The following SYNE2 variants were observed in gnomAD, a reference collection of about 807,000 sequenced individuals.
SYNE2 encodes nesprin-2.
SYNE2 carries 431 observed loss-of-function variants against 856.3 expected under a neutral mutation model. That is an observed-to-expected ratio of 0.50 (90% CI 0.47 to 0.55). SYNE2 has a LOEUF of 0.55. SYNE2 is among the 20% of genes least tolerant of loss of function. The pLI, the probability that SYNE2 is intolerant of heterozygous loss-of-function variation, is 0.00. For synonymous variants in SYNE2, 2,923 were observed against 2,872.3 expected (o/e 1.02, Z -0.56); for missense variants, 8,129 against 8,023.2 (o/e 1.01, Z -0.50).
intron 8 of SYNE2, chr14:63,960,948 A>C: frequency 1.8e-6 from 1 of 540,948 alleles, no homozygotes; most frequent in Non-Finnish European, 3.3e-6. Flanking sequence ...GCATTTTACA[A>C]ACTTATTTCA....
At chr14:63,917,752 G>T (rs923465375) in intron 2 of SYNE2, among the ~76,000 whole-genome samples, 4 of 152,190 alleles carry the variant, frequency 2.6e-5, no homozygotes, top group African/African-American at 9.7e-5. Flanking sequence ...TTACAGGCAT[G>T]AGTCACCGCA....
intron 1 of SYNE2, among the ~76,000 whole-genome samples, chr14:63,899,928 TTTC>T (rs2095313340): frequency 6.6e-6 from 1 of 152,244 alleles, no homozygotes; most frequent in Admixed American, 6.5e-5. Flanking sequence ...GTGTAGTATA[TTTC>T]TTAATAGTAT....
rs534459859 is a variant in SYNE2 at position 64,059,765 on chromosome 14, C to T, written c.10068-2986C>T. ...GCTTGTGTCCTTCCCTTAAGGGTGG[C>T]GAGTTGCCCCGCACCTAGGTGAGTT... On this transcript the variant is annotated intron_variant, in intron 49 of 115. Transcript: ENST00000555002. Among the ~76,000 whole-genome samples, 64 of 152,314 alleles carry T rather than the reference C, an allele frequency of 4.2e-4. 1 individual carries two copies. Among genetic ancestry groups the T allele is most frequent in the African/African-American group, 1.3e-3 (56 of 41,572 alleles).
intron 1 of SYNE2, chr14:63,762,009 C>T (rs1171659761): frequency 1.3e-5 from 6 of 464,304 alleles, no homozygotes; most frequent in Non-Finnish European, 2.2e-5. Flanking sequence ...GACAAGTTTG[C>T]ATCATGTGTG....
At chr14:63,858,801 C>T (rs1595224144) in intron 1 of SYNE2, among the ~76,000 whole-genome samples, 1 of 152,108 alleles carries the variant, frequency 6.6e-6, no homozygotes, top group African/African-American at 2.4e-5. Context: ...ATTCTCTTAA[C>T]AATATCTTTT....
chr14:64,152,257 G>T (rs1176408508), intron 84 of SYNE2, among the ~76,000 whole-genome samples: 1 of 152,164 alleles, frequency 6.6e-6, no homozygotes, highest in Non-Finnish European at 1.5e-5. Flanking sequence ...TGAAAGGTTC[G>T]ATGACTTATG....
chr14:64,131,928 G>GT (rs1310224934), intron 76 of SYNE2, among the ~76,000 whole-genome samples: 1 of 151,800 alleles, frequency 6.6e-6, no homozygotes, highest in African/African-American at 2.4e-5. Context: ...GAGTTTTTTT[G>GT]TTTTTTGTTT....
At chr14:63,899,955 ATTGT>A (rs1320061623) in intron 1 of SYNE2, among the ~76,000 whole-genome samples, 1 of 152,196 alleles carries the variant, frequency 6.6e-6, no homozygotes, top group Non-Finnish European at 1.5e-5. Flanking sequence ...ATAAATGTTA[ATTGT>A]TGTCATTTTT....
chr14:63,993,738 CA>C lies in SYNE2; in HGVS notation c.2647-96del, dbSNP rs767909309. 58 of 1,074,608 alleles carry C rather than the reference CA, an allele frequency of 5.4e-5. 1 individual carries two copies. In the South Asian group the frequency reaches 6.4e-4, roughly 12 times the overall value. 66.6% of individuals were successfully genotyped at this position (1,074,608 alleles called of 1,614,324 possible). On this transcript the variant is annotated intron_variant, in intron 21 of 115. Transcript: ENST00000555002. Reference sequence around the variant, plus strand: ...TTCAGAGAGCACCTTCCCACTTTACCAGTTAAAGACATACCAAAATTAGCTT... The same window carrying C: ...TTCAGAGAGCACCTTCCCACTTTACCGTTAAAGACATACCAAAATTAGCTT...
At chr14:63,976,397 A>G (rs1407335878) in intron 11 of SYNE2, among the ~76,000 whole-genome samples, 166 bp from the exon 12 acceptor site, 1 of 151,392 alleles carries the variant, frequency 6.6e-6, no homozygotes, top group Non-Finnish European at 1.5e-5. Flanking sequence ...AGTGATATTT[A>G]AAACTAAGAA....
chr14:64,182,612 A>G (rs2098464021), intron 96 of SYNE2, among the ~76,000 whole-genome samples: 1 of 152,180 alleles, frequency 6.6e-6, no homozygotes, highest in Non-Finnish European at 1.5e-5. Flanking sequence ...TGCTGCCTTC[A>G]AGCATCTGTT....
At position 64,143,963 on chromosome 14, in the gene SYNE2, C is replaced by G; in HGVS notation, c.15483+15C>G. On this transcript the variant is annotated intron_variant, in intron 83 of 115. Transcript: ENST00000555002. ...TGAATAGAAAGGTGTGTTCCTGCGT[C>G]ACAACTGGATGTGTGGTTTGACCTT... 2.5e-6 allele frequency: 4 copies of G among 1,614,022 alleles called. No individual in the cohort carries two copies. The highest frequency in any genetic ancestry group is 3.4e-6 in the Non-Finnish European group (4 of 1,179,916).
intron 14 of SYNE2, among the ~76,000 whole-genome samples, chr14:63,979,496 A>G (rs2096569549): frequency 6.6e-6 from 1 of 152,266 alleles, no homozygotes; most frequent in Non-Finnish European, 1.5e-5. Flanking sequence ...ATTTATAGGA[A>G]AAAATGTTTG....
chr14:64,212,694 G>C, intron 104 of SYNE2, 117 bp from the exon 105 acceptor site: 2 of 958,444 alleles, frequency 2.1e-6, no homozygotes, highest in Non-Finnish European at 3.3e-6. Context: ...AGTAGTAGGT[G>C]AAGGAAAACA....
At chr14:64,100,531 A>ATATATAT (rs1555483884) in intron 63 of SYNE2, among the ~76,000 whole-genome samples, 25 of 39,442 alleles carry the variant, frequency 6.3e-4, no homozygotes, top group South Asian at 1.1e-3. Flanking sequence ...AAAAAAAAAA[A>ATATATAT]ATATATATAT....
intron 85 of SYNE2, among the ~76,000 whole-genome samples, chr14:64,157,399 G>A (rs566193794): frequency 7.2e-5 from 11 of 152,190 alleles, no homozygotes; most frequent in South Asian, 2.1e-4. Context: ...CAAGATCATC[G>A]GTGTTGTAGT....
chr14:63,918,223 A>G (rs1403306308), intron 2 of SYNE2, among the ~76,000 whole-genome samples: 1 of 152,254 alleles, frequency 6.6e-6, no homozygotes, highest in Admixed American at 6.5e-5. Flanking sequence ...TTAATATAGT[A>G]TGTTAAATTG....
chr14:63,894,518 G>A (rs1322808570), intron 1 of SYNE2, among the ~76,000 whole-genome samples: 1 of 152,100 alleles, frequency 6.6e-6, no homozygotes. Flanking sequence ...ACTGCATCCG[G>A]CCATTATAAA....
chr14:64,049,489 T>A, intron 46 of SYNE2, 122 bp from the exon 47 acceptor site: 1 of 768,846 alleles, frequency 1.3e-6, no homozygotes, highest in Admixed American at 2.6e-5. Flanking sequence ...AGTTACCCTG[T>A]GTGCAAATGA....
Sources: allele counts gnomAD v4.1 joint callset (sites outside exome capture counted in the v4.1 genomes callset), GRCh38; gene constraint gnomAD v4.1.1; transcripts MANE v1.5; gene names NCBI Gene and HGNC (gene_info 2026-07-23, HGNC 2026-07-21).